The following PHF20 variants were observed in gnomAD, a reference collection of about 807,000 sequenced individuals.
PHF20 encodes PHD finger protein 20, also known as glioma-expressed antigen 2.
In PHF20, 23 loss-of-function variants were observed where a neutral mutation model predicts 113.5. The observed-to-expected ratio is 0.20, with a 90% CI of 0.15 to 0.29. The LOEUF is 0.29. Ranked by LOEUF, PHF20 falls within the 10% of genes least tolerant of loss-of-function variation. PHF20 has a pLI of 1.00. For synonymous variants in PHF20, 434 were observed against 457.3 expected, an observed-to-expected ratio of 0.95 and a Z score of 0.65; for missense variants, 943 against 1,219.6, an observed-to-expected ratio of 0.77 and a Z score of 3.38.
In PHF20 at chr20:35,938,955, G is replaced by T. The variant is rs959240821; in HGVS notation, c.2559G>T (p.Gln853His). The T allele has an allele frequency of 6.2e-7, 1 of 1,614,222 alleles. No homozygotes were observed. The highest frequency in any genetic ancestry group is 1.1e-5 in the South Asian group (1 of 91,086). Residue 853 changes from glutamine (Q) to histidine (H), a missense_variant, in exon 16 of 18, where the codon CAG becomes CAT. This residue lies in a region of PHF20 where 349 missense variants were observed against 412.3 expected (regional missense o/e 0.85). Transcript: ENST00000374012. ...KPRAYYPAVE[Q>H]KLVVETRGSA... is the part of the protein sequence containing the mutation. ...GCGCCTATTACCCTGCCGTGGAGCA[G>T]AAGCTGGTGGTGGAGACGAGGGGCT...
intron 17 of PHF20, among the ~76,000 whole-genome samples, chr20:35,946,796 G>A (rs937379549): frequency 6.6e-6 from 1 of 151,768 alleles, no homozygotes; most frequent in Admixed American, 6.6e-5. Context: ...TGCGACCTCC[G>A]CCTCCCGGGT....
At chr20:35,890,134 C>T (rs2054821629) in intron 9 of PHF20, among the ~76,000 whole-genome samples, 1 of 152,050 alleles carries the variant, frequency 6.6e-6, no homozygotes. Context: ...TTCAGCCTGT[C>T]CTCCTGCCTC....
intron 1 of PHF20, among the ~76,000 whole-genome samples, chr20:35,797,527 AG>A (rs1390531175): frequency 6.6e-6 from 1 of 151,090 alleles, no homozygotes; most frequent in African/African-American, 2.4e-5. Context: ...AAAAAAAAAA[AG>A]AAAAAAATAT....
intron 2 of PHF20, among the ~76,000 whole-genome samples, chr20:35,810,586 C>T (rs2041959761): frequency 2.0e-5 from 3 of 152,114 alleles, no homozygotes; most frequent in East Asian, 3.8e-4. Flanking sequence ...AAAAAGGAGT[C>T]TCAGAGAGAT....
chr20:35,861,062 T>G (rs2054210551), intron 5 of PHF20, among the ~76,000 whole-genome samples: 1 of 152,130 alleles, frequency 6.6e-6, no homozygotes, highest in Non-Finnish European at 1.5e-5. Context: ...TGGACTTGGC[T>G]TCTTTTCCAA....
intron 1 of PHF20, among the ~76,000 whole-genome samples, chr20:35,789,886 C>T (rs1380982487): frequency 1.8e-5 from 2 of 109,672 alleles, no homozygotes; most frequent in Non-Finnish European, 3.4e-5. Context: ...CACAGTTTTA[C>T]TCTTGTTCCC....
intron 9 of PHF20, among the ~76,000 whole-genome samples, chr20:35,872,755 C>G (rs76093771): frequency 0.049 from 7,395 of 152,234 alleles, 230 homozygotes; most frequent in African/African-American, 0.099. Context: ...GGTCAGAGAA[C>G]ATACTCTGTA....
At chr20:35,834,625 G>A (rs2146925651) in intron 2 of PHF20, among the ~76,000 whole-genome samples, 1 of 152,138 alleles carries the variant, frequency 6.6e-6, no homozygotes, top group South Asian at 2.1e-4. Flanking sequence ...GGAGAGGAGT[G>A]GGAAATCTCA....
intron 12 of PHF20, among the ~76,000 whole-genome samples, chr20:35,914,823 C>T (rs1374139815): frequency 6.6e-6 from 1 of 151,510 alleles, no homozygotes; most frequent in East Asian, 1.9e-4. Context: ...CTTAGCCAGG[C>T]GTGGTGGTGT....
chr20:35,918,226 G>A (rs1449517363), intron 13 of PHF20, among the ~76,000 whole-genome samples: 1 of 152,036 alleles, frequency 6.6e-6, no homozygotes, highest in East Asian at 1.9e-4. Context: ...TCTGTAAATT[G>A]CAGTTCTGGG....
chr20:35,913,406 G>T, intron 11 of PHF20, 59 bp downstream of exon 11: 1 of 1,191,450 alleles, frequency 8.4e-7, no homozygotes, highest in East Asian at 2.3e-5. Context: ...GGGAGGGGTT[G>T]CTTTCTCCCA....
chr20:35,792,206 T>TA lies in PHF20; in HGVS notation c.-32-9284dup, dbSNP rs78952696. Among the ~76,000 whole-genome samples the TA allele has an allele frequency of 9.7e-3, 1,470 of 152,244 alleles. 17 individuals are homozygous for TA. Among genetic ancestry groups the TA allele is most frequent in the East Asian group, 0.04 (206 of 5,182 alleles). ...TTTCTTTCTTCACTCTTCTTTTTTTTACGACAGAGTCTTGCTCTGTCGCCA... is the reference window on the plus strand; with the variant it reads ...TTTCTTTCTTCACTCTTCTTTTTTTTAACGACAGAGTCTTGCTCTGTCGCCA... On this transcript the variant is annotated intron_variant, in intron 1 of 17. Transcript: ENST00000374012.
chr20:35,774,320 C>G (rs908156843), intron 1 of PHF20, among the ~76,000 whole-genome samples: 1 of 152,132 alleles, frequency 6.6e-6, no homozygotes, highest in African/African-American at 2.4e-5. Context: ...ATCCACCCGC[C>G]TCCGCCTCCC....
intron 2 of PHF20, among the ~76,000 whole-genome samples, chr20:35,827,159 T>A (rs1568618166): frequency 6.6e-6 from 1 of 152,088 alleles, no homozygotes. Flanking sequence ...TGGAGTGCAA[T>A]GGTACGATTT....
intron 2 of PHF20, among the ~76,000 whole-genome samples, chr20:35,807,762 C>A (rs562998724): frequency 1.8e-4 from 27 of 152,178 alleles, no homozygotes; most frequent in Non-Finnish European, 3.5e-4. Flanking sequence ...AAGCAGACTG[C>A]TTAAAAAAGA....
At chr20:35,809,701 T>A (rs1235980257) in intron 2 of PHF20, among the ~76,000 whole-genome samples, 1 of 145,960 alleles carries the variant, frequency 6.9e-6, no homozygotes, top group Non-Finnish European at 1.5e-5. Flanking sequence ...CTGGACAATA[T>A]AATGAGACCC....
chr20:35,897,715 C>T (rs551056861), intron 9 of PHF20, among the ~76,000 whole-genome samples: 3 of 150,834 alleles, frequency 2.0e-5, no homozygotes, highest in Non-Finnish European at 4.4e-5. Context: ...TACAGGTGCC[C>T]GACACCACGC....
At chr20:35,908,687 G>A (rs2055243361) in intron 10 of PHF20, among the ~76,000 whole-genome samples, 1 of 152,124 alleles carries the variant, frequency 6.6e-6, no homozygotes, top group African/African-American at 2.4e-5. Flanking sequence ...ATCACTCATA[G>A]TAAAAGCCAA....
chr20:35,918,221 A>T (rs1391400801), intron 13 of PHF20, among the ~76,000 whole-genome samples: 1 of 151,990 alleles, frequency 6.6e-6, no homozygotes, highest in East Asian at 1.9e-4. Context: ...CCTTGTCTGT[A>T]AATTGCAGTT....
Sources: gnomAD v4.1 joint callset for allele counts (sites outside exome capture counted in the v4.1 genomes callset) on GRCh38, gnomAD v4.1.1 for gene constraint, gnomAD v4.1.1 regional missense constraint, MANE v1.5 for transcripts, NCBI Gene and HGNC (gene_info 2026-07-23, HGNC 2026-07-21) for gene names.